The following CLEC4F variants were observed in gnomAD, a reference collection of about 807,000 sequenced individuals.
The protein encoded by CLEC4F is C-type (calcium dependent, carbohydrate-recognition domain) lectin, superfamily member 13.
Under a neutral mutation model 53.4 loss-of-function variants are expected in CLEC4F, and 45 were observed. That is an observed-to-expected ratio of 0.84 (90% confidence interval 0.66 to 1.08). The LOEUF (loss-of-function observed/expected upper bound fraction) is 1.08. CLEC4F is among the 50% of genes least tolerant of loss of function. The pLI, the probability that CLEC4F is intolerant of heterozygous loss-of-function variation, is 0.00. For synonymous variants in CLEC4F, 245 were observed against 257.5 expected, an observed-to-expected ratio of 0.95 and a Z score of 0.46; for missense variants, 753 against 698.2, an observed-to-expected ratio of 1.08 and a Z score of -0.88.
rs77576589 is a variant in CLEC4F at position 70,809,285 on chromosome 2, T to C, written c.1756A>G (p.Ile586Val). The change falls in exon 7 of 7, where the codon ATC becomes GTC. Residue 586 changes from isoleucine (I) to valine (V), a missense_variant. Ile to Val is a conservative substitution (Grantham distance 29). Transcript: ENST00000272367. ...TCAGGTTGCTCTTAGTTACTGAGGA[T>C]CCAGGGACAGGGAGGGGTGTCTATG... ...SFIDTPPCPW[I>V]LSN The C allele has an allele frequency of 5.0e-3, 8,052 of 1,613,864 alleles. 336 individuals are homozygous for C. In the African/African-American group the frequency reaches 0.092, roughly 18 times the overall value.
chr2:70,819,757 G>T lies in CLEC4F; in HGVS notation c.178+18C>A. ...AAGGAGAGAAAGTTAGTGAGATTTG[G>T]GTCACCTGGGGGCTTACCCACTACA... is the stretch of plus-strand genomic sequence containing the variant. On this transcript the variant is annotated intron_variant, in intron 2 of 6. Coordinates refer to ENST00000272367, the MANE Select transcript of CLEC4F (RefSeq NM_173535.3). 2.0e-6 allele frequency: 3 copies of T among 1,529,764 alleles called. No individual in the cohort carries two copies. Among genetic ancestry groups the T allele is most frequent in the Non-Finnish European group, 1.8e-6 (2 of 1,128,570 alleles). 94.8% of individuals were successfully genotyped at this position (1,529,764 alleles called of 1,614,324 possible). A position where few individuals can be genotyped will look rare whatever the true frequency, so the allele number is the denominator to read the frequency against.
At chr2:70,824,872 T>G (rs1677310677), upstream of CLEC4F, among the ~76,000 whole-genome samples, 1 of 152,220 alleles carries the variant, frequency 6.6e-6, no homozygotes, top group Non-Finnish European at 1.5e-5. Flanking sequence ...AAATATTTTA[T>G]GTAAATATCC....
chr2:70,811,054 T>G (rs1171401484), intron 5 of CLEC4F: 6 of 653,832 alleles, frequency 9.2e-6, no homozygotes, highest in Non-Finnish European at 1.4e-5. Context: ...GCTGGGAAAA[T>G]ATTTATTGCC....
At chr2:70,812,010 G>A (rs938039912) in intron 5 of CLEC4F, among the ~76,000 whole-genome samples, 9 of 152,122 alleles carry the variant, frequency 5.9e-5, no homozygotes, top group Non-Finnish European at 8.8e-5. Context: ...TGGGAGGATC[G>A]CTTGAGCAAG....
In CLEC4F at chr2:70,816,329, C is replaced by T. The variant is rs722896; in HGVS notation, c.1052G>A (p.Arg351His). The T allele has an allele frequency of 0.31, 493,195 of 1,613,754 alleles. 79,296 individuals are homozygous for T. The highest frequency in any genetic ancestry group is 0.56 in the East Asian group (25,297 of 44,872). Reference sequence around the variant, plus strand: ...AATCTGAGTATCTGTCTGGTCCAGACGGCCATTTGCTTTTTGGGTCTGGGC... The same window carrying T: ...AATCTGAGTATCTGTCTGGTCCAGATGGCCATTTGCTTTTTGGGTCTGGGC... Reference protein sequence around the residue: ...VTAQTQKANGRLDQTDTQIQV... With the variant: ...VTAQTQKANGHLDQTDTQIQV... Residue 351 changes from arginine to histidine, a missense_variant, in exon 4 of 7, where the codon CGT (arginine) becomes CAT (histidine). Physicochemically the swap from Arg to His is conservative, Grantham distance 29 (BLOSUM62 0). Coordinates refer to ENST00000272367, the MANE Select transcript of CLEC4F (RefSeq NM_173535.3).
chr2:70,819,413 A>C lies in CLEC4F; in HGVS notation c.210T>G (p.Pro70=), dbSNP rs1399916459. The change falls in exon 3 of 7, where the codon CCT becomes CCG. Residue 70 remains proline (P), a synonymous_variant. Coordinates refer to ENST00000272367, the MANE Select transcript of CLEC4F (RefSeq NM_173535.3). ...VQQQTRPVPK[P]VQAVILGDNI... ...TGTCTCCCAGAATTACGGCTTGCAC[A>C]GGCTTCGGAACAGGTCTTGTCTGCT... 6.2e-7 allele frequency: 1 copy of C among 1,614,040 alleles called. No homozygotes were observed. Among genetic ancestry groups the C allele is most frequent in the Non-Finnish European group, 8.5e-7 (1 of 1,180,042 alleles).
chr2:70,809,784 C>T lies in CLEC4F; in HGVS notation c.1613G>A (p.Trp538Ter). 6.2e-7 allele frequency: 1 copy of T among 1,614,160 alleles called. No homozygotes were observed. The highest frequency in any genetic ancestry group is 8.5e-7 in the Non-Finnish European group (1 of 1,180,016). ...GAATGGTGTCCCATCTGTCCAGCGCCAGGAGCCCTCTGTGCCCCTGTCAGT... is the reference window on the plus strand; with the variant it reads ...GAATGGTGTCCCATCTGTCCAGCGCTAGGAGCCCTCTGTGCCCCTGTCAGT... ...GLTDRGTEGS[W>*]RWTDGTPFNA... Residue 538 changes from tryptophan (W) to a stop codon, truncating the protein, a stop_gained, in exon 6 of 7, where the codon TGG (tryptophan) becomes TAG (stop). Coordinates refer to ENST00000272367, the MANE Select transcript of CLEC4F (RefSeq NM_173535.3). LOFTEE classifies it low-confidence loss of function (END_TRUNC).
intron 4 of CLEC4F, among the ~76,000 whole-genome samples, chr2:70,813,648 T>G (rs1181968697): frequency 6.8e-6 from 1 of 147,482 alleles, no homozygotes; most frequent in East Asian, 2.0e-4. Flanking sequence ...TCTTTCGCTC[T>G]CTCTCTTTTT....
Position 70,809,782 on chromosome 2 carries a change from G to T in CLEC4F, c.1615C>A (p.Arg539Ser). 1 of 1,614,082 alleles carries T rather than the reference G, an allele frequency of 6.2e-7. No individual in the cohort carries two copies. Among genetic ancestry groups the T allele is most frequent in the Middle Eastern group, 1.6e-4 (1 of 6,062 alleles). The stretch of plus-strand genomic sequence containing the variant: ...TTGAATGGTGTCCCATCTGTCCAGC[G>T]CCAGGAGCCCTCTGTGCCCCTGTCA... The part of the protein sequence containing the change: ...LTDRGTEGSW[R>S]WTDGTPFNAA... Residue 539 changes from arginine (R) to serine (S), a missense_variant, in exon 6 of 7, where the codon CGC becomes AGC. Coordinates refer to ENST00000272367, the MANE Select transcript of CLEC4F (RefSeq NM_173535.3).
In CLEC4F at chr2:70,816,065, T is replaced by G. The variant is rs142016693; in HGVS notation, c.1316A>C (p.Gln439Pro). 6.4e-5 allele frequency: 103 copies of G among 1,614,258 alleles called. No individual in the cohort carries two copies. The African/African-American group carries it at 1.2e-3, about 19-fold the overall frequency. ...GGTCTTCAGGCGACTCTGCTCCTGC[T>G]GGATTTCCATGGTTAGAGCTTTGGT... ...ENTKALTMEI[Q>P]QEQSRLKTLH... Residue 439 changes from glutamine to proline, a missense_variant, in exon 4 of 7, where the codon CAG (glutamine) becomes CCG (proline). Physicochemically the swap from Gln to Pro is moderately conservative, Grantham distance 76 (BLOSUM62 -1). Coordinates refer to ENST00000272367, the MANE Select transcript of CLEC4F (RefSeq NM_173535.3).
In CLEC4F at chr2:70,809,822, G is replaced by A. The variant is rs1458449339; in HGVS notation, c.1575C>T (p.Tyr525=). 1 of 1,614,030 alleles carries A rather than the reference G, an allele frequency of 6.2e-7. No individual in the cohort carries two copies. The highest frequency in any genetic ancestry group is 8.5e-7 in the Non-Finnish European group (1 of 1,179,856). ...TGCCCCTGTCAGTGAGACCGATCCA[G>A]TAGTACACTTTACTTGTGAACTCTA... ...FLVEFTSKVY[Y]WIGLTDRGTE... The change falls in exon 6 of 7, where the codon TAC becomes TAT. Residue 525 remains tyrosine, a synonymous_variant. Transcript: ENST00000272367.
upstream of CLEC4F, among the ~76,000 whole-genome samples, chr2:70,824,120 C>A (rs906451798): frequency 6.6e-6 from 1 of 151,480 alleles, no homozygotes; most frequent in African/African-American, 2.4e-5. Flanking sequence ...GGGAGAGAGG[C>A]GGATTCTTCT....
intron 3 of CLEC4F, among the ~76,000 whole-genome samples, chr2:70,818,190 C>T (rs1463510996): frequency 6.6e-6 from 1 of 152,150 alleles, no homozygotes; most frequent in Non-Finnish European, 1.5e-5. Context: ...TTTCAAGGTA[C>T]TGGGAGTTCA....
rs782531692 is a variant in CLEC4F, at chr2:70,816,645, T to C, written c.736A>G (p.Ser246Gly). Residue 246 changes from serine (S) to glycine (G), a missense_variant, in exon 4 of 7, where the codon AGT (serine) becomes GGT (glycine). Physicochemically the swap from Ser to Gly is moderately conservative, Grantham distance 56. Transcript: ENST00000272367. ...ANTQAQLANS[S>G]LKNANAEIYV... The stretch of plus-strand genomic sequence containing the variant: ...ATCTCAGCATTAGCGTTCTTTAAAC[T>C]GCTATTGGCTAACTGAGCCTGGGTA... 1.1e-5 allele frequency: 18 copies of C among 1,614,110 alleles called. No individual in the cohort carries two copies. Among genetic ancestry groups the C allele is most frequent in the Middle Eastern group, 3.3e-4 (2 of 6,084 alleles).
chr2:70,813,585 C>CTCTTTCTT (rs1558612463), intron 4 of CLEC4F, among the ~76,000 whole-genome samples: 1 of 110,678 alleles, frequency 9.0e-6, no homozygotes, highest in Non-Finnish European at 2.0e-5. Flanking sequence ...TTTTCTTTCT[C>CTCTTTCTT]TCTCTTTCTT....
chr2:70,809,435 C>T, intron 6 of CLEC4F, 53 bp from the exon 7 acceptor site: 1 of 1,533,524 alleles, frequency 6.5e-7, no homozygotes, highest in African/African-American at 1.4e-5. Context: ...GGCTGCATGC[C>T]AGCCTCAGGA....
chr2:70,823,478 T>C (rs1553398429), upstream of CLEC4F, among the ~76,000 whole-genome samples: 1 of 152,176 alleles, frequency 6.6e-6, no homozygotes, highest in African/African-American at 2.4e-5. Context: ...ACTCAGGACC[T>C]ATTTCCTCCT....
intron 1 of CLEC4F, 82 bp downstream of exon 1, chr2:70,820,381 A>G (rs1677171114): frequency 2.3e-6 from 3 of 1,282,836 alleles, no homozygotes; most frequent in East Asian, 2.5e-5. Flanking sequence ...TAAGACAGCA[A>G]TAAGCTGCCT....
intron 2 of CLEC4F, 90 bp from the exon 3 acceptor site, chr2:70,819,534 C>T (rs782133509): frequency 6.8e-5 from 86 of 1,264,682 alleles, no homozygotes; most frequent in Non-Finnish European, 8.8e-5. Context: ...GTTCCAGAAC[C>T]GGGGAGATAG....
Sources: allele counts gnomAD v4.1 joint callset (sites outside exome capture counted in the v4.1 genomes callset), GRCh38; gene constraint gnomAD v4.1.1; transcripts MANE v1.5; gene names NCBI Gene and HGNC (gene_info 2026-07-23, HGNC 2026-07-21).